RECQL5: variants seen among roughly 807,000 people sequenced by gnomAD.
RECQL5 encodes the protein RecQ like helicase 5.
Under a neutral mutation model 103.4 loss-of-function variants are expected in RECQL5, and 88 were observed. The observed-to-expected ratio is 0.85, with a 90% CI of 0.72 to 1.02. The LOEUF (loss-of-function observed/expected upper bound fraction) is 1.02, where lower values mean the gene tolerates loss of function less well. Among genes scored for constraint, RECQL5 ranks in the 50% least tolerant of loss-of-function variants. RECQL5 has a pLI of 0.00. For synonymous variants in RECQL5, 552 were observed against 507.9 expected, an observed-to-expected ratio of 1.09 and a Z score of -1.17; for missense variants, 1,232 against 1,284.3, an observed-to-expected ratio of 0.96 and a Z score of 0.62.
At chr17:75,643,938 G>A (rs1379912953) in intron 8 of RECQL5, among the ~76,000 whole-genome samples, 1 of 152,188 alleles carries the variant, frequency 6.6e-6, no homozygotes, top group Admixed American at 6.5e-5. Flanking sequence ...GGCTGCTCTC[G>A]GCTCCTCAAA....
In RECQL5 at chr17:75,628,412, G is replaced by A; in HGVS notation, c.2611C>T (p.Pro871Ser). The change falls in exon 18 of 20, where the codon CCA (proline) becomes TCA (serine). Residue 871 changes from proline (P) to serine (S), a missense_variant. By Grantham distance (74) the Pro-to-Ser change is moderately conservative (BLOSUM62 -1). Coordinates refer to ENST00000317905, the MANE Select transcript of RECQL5 (RefSeq NM_004259.7). ...ENPESQPQKRPRPSAKPSVVA... is the reference protein window; with the variant it reads ...ENPESQPQKRSRPSAKPSVVA... ...ACGGAGGGCTTGGCTGAGGGGCGTG[G>A]CCTCTTCTGAGGCTGGCTCTCTGGG... The A allele has an allele frequency of 6.2e-7, 1 of 1,613,780 alleles. No homozygotes were observed. Among genetic ancestry groups the A allele is most frequent in the Non-Finnish European group, 8.5e-7 (1 of 1,180,014 alleles).
chr17:75,640,213 C>G lies in RECQL5; in HGVS notation c.1230-8545G>C, dbSNP rs1029125775. ...GAAGCCAGCGCGGCATGGCTGCCAC[C>G]GACTTCGTGCAGGAGATGCGCGCCG... On this transcript the variant is annotated intron_variant, in intron 8 of 19. Coordinates refer to ENST00000317905, the MANE Select transcript of RECQL5 (RefSeq NM_004259.7). The surrounding 1 kb of genome is among the most constrained non-coding windows in gnomAD (Gnocchi z 4.6). 1 of 1,549,102 alleles carries G rather than the reference C, an allele frequency of 6.5e-7. No homozygotes were observed. Among genetic ancestry groups the G allele is most frequent in the Non-Finnish European group, 8.7e-7 (1 of 1,146,054 alleles).
intron 8 of RECQL5, chr17:75,646,863 T>G (rs958523009): frequency 6.5e-6 from 1 of 153,090 alleles, no homozygotes; most frequent in African/African-American, 2.4e-5. Context: ...GGAGCTCCGC[T>G]TCTAGAGGAC....
chr17:75,650,768 C>A, intron 8 of RECQL5: 2 of 1,586,154 alleles, frequency 1.3e-6, no homozygotes, highest in Non-Finnish European at 1.7e-6. Context: ...CATGACTCCC[C>A]GAGGTAAGTG....
At chr17:75,666,887 C>G (rs1437015331) in intron 1 of RECQL5, 157 bp downstream of exon 1, 2 of 276,014 alleles carry the variant, frequency 7.2e-6, no homozygotes, top group Non-Finnish European at 6.9e-6. Flanking sequence ...AACCGTTTTC[C>G]TAAGATCCAC....
intron 7 of RECQL5, among the ~76,000 whole-genome samples, chr17:75,654,569 G>C (rs1234888410): frequency 6.6e-6 from 1 of 152,134 alleles, no homozygotes; most frequent in African/African-American, 2.4e-5. Context: ...ATCTGAAGAT[G>C]TCTTTTTTTT....
intron 8 of RECQL5, among the ~76,000 whole-genome samples, chr17:75,644,178 G>A (rs1164392965): frequency 2.0e-5 from 3 of 152,112 alleles, no homozygotes; most frequent in Admixed American, 6.5e-5. Flanking sequence ...GGTGGCGCAC[G>A]CCTGTAGTCC....
At chr17:75,627,935 C>T (rs1000127169) in intron 18 of RECQL5, among the ~76,000 whole-genome samples, 14 of 151,552 alleles carry the variant, frequency 9.2e-5, no homozygotes, top group Non-Finnish European at 1.8e-4. Flanking sequence ...AGGAGAATGG[C>T]GTGAACCCGG....
intron 8 of RECQL5, among the ~76,000 whole-genome samples, chr17:75,643,922 A>G (rs1168423242): frequency 6.6e-6 from 1 of 152,216 alleles, no homozygotes; most frequent in Non-Finnish European, 1.5e-5. Context: ...CTTCCGCCAC[A>G]GGGCAGGCTG....
intron 1 of RECQL5, 118 bp from the exon 2 acceptor site, chr17:75,666,689 T>C (rs2059789299): frequency 1.0e-6 from 1 of 967,640 alleles, no homozygotes; most frequent in Admixed American, 2.9e-5. Flanking sequence ...AATAATGTAT[T>C]ATTTTTAAGT....
chr17:75,650,807 A>G (rs1387906313), intron 8 of RECQL5: 2 of 1,542,760 alleles, frequency 1.3e-6, no homozygotes, highest in Non-Finnish European at 1.7e-6. Flanking sequence ...TGGGTCCTGG[A>G]TAAGGGTGAG....
In RECQL5 at chr17:75,651,227, G is replaced by A; in HGVS notation, c.1188C>T (p.Ile396=). Reference sequence around the variant, plus strand: ...AGGTCACCAGGGCATCAAAGGCCATGATAGTGGCTTTATCAGATGCTTTGT... The same window carrying A: ...AGGTCACCAGGGCATCAAAGGCCATAATAGTGGCTTTATCAGATGCTTTGT... ...RGNKASDKAT[I]MAFDALVTFC... is the part of the protein sequence containing the mutation. Residue 396 remains isoleucine, a synonymous_variant, in exon 8 of 20, where the codon ATC becomes ATT. Transcript: ENST00000317905. 2 of 1,614,214 alleles carry A rather than the reference G, an allele frequency of 1.2e-6. No individual in the cohort carries two copies. Among genetic ancestry groups the A allele is most frequent in the Non-Finnish European group, 1.7e-6 (2 of 1,180,040 alleles).
chr17:75,647,788 A>G (rs943269011), intron 8 of RECQL5: 7 of 522,934 alleles, frequency 1.3e-5, no homozygotes, highest in East Asian at 3.3e-5. Context: ...CCTTGACCCT[A>G]TTGTTTTTAG....
intron 6 of RECQL5, among the ~76,000 whole-genome samples, chr17:75,659,568 G>C (rs1270453652): frequency 6.6e-6 from 1 of 152,034 alleles, no homozygotes; most frequent in Non-Finnish European, 1.5e-5. Flanking sequence ...TGCCCAGGCT[G>C]GTCTCGAACT....
chr17:75,627,473 G>A lies in RECQL5; in HGVS notation c.2925C>T (p.Ala975=), dbSNP rs201060054. ...NLIRHFFHGR[A]RCESEADWHG... ...GCCAGTCAGCTTCGCTCTCGCACCG[G>A]GCCCGGCCATGGAAGAAGTGCCTGA... The change falls in exon 20 of 20, where the codon GCC becomes GCT. Residue 975 remains alanine, a synonymous_variant. Transcript: ENST00000317905. The A allele has an allele frequency of 2.9e-5, 46 of 1,613,818 alleles. No individual in the cohort carries two copies. The African/African-American group carries it at 6.0e-4, about 21-fold the overall frequency.
Position 75,630,667 on chromosome 17 carries a change from A to G in RECQL5, c.1670T>C (p.Leu557Pro), listed in dbSNP as rs1357572992. 18 of 1,613,354 alleles carry G rather than the reference A, an allele frequency of 1.1e-5. No homozygotes were observed. The Admixed American group carries it at 3.0e-4, about 27-fold the overall frequency. ...VKAREHCLRL[L>P]EEALSSNRQS... ...GCGGTTGCTGCTCAGCGCCTCCTCC[A>G]GAAGCCGCAGGCAGTGCTCCCGTGC... The change falls in exon 13 of 20, where the codon CTG becomes CCG. Residue 557 changes from leucine (L) to proline (P), a missense_variant. Physicochemically the swap from Leu to Pro is moderately conservative, Grantham distance 98. Coordinates refer to ENST00000317905, the MANE Select transcript of RECQL5 (RefSeq NM_004259.7).
intron 7 of RECQL5, among the ~76,000 whole-genome samples, chr17:75,657,825 G>A (rs1019523024): frequency 6.6e-5 from 10 of 151,452 alleles, no homozygotes; most frequent in South Asian, 4.2e-4. Context: ...CGAGGCAGGC[G>A]GATCACGAGG....
Position 75,662,962 on chromosome 17 carries a change from T to TCGTA in RECQL5, c.284_287dup (p.Val97ThrfsTer20). On this transcript the variant is annotated frameshift_variant, in exon 4 of 20. Coordinates refer to ENST00000317905, the MANE Select transcript of RECQL5 (RefSeq NM_004259.7). LOFTEE classifies it high-confidence loss of function. ...AGAGCTTCGAGTTCAGGGAACTTAC[T>TCGTA]CGTACCTTTAGGGTTAGCAAGTGGT... 1 of 1,612,932 alleles carries TCGTA rather than the reference T, an allele frequency of 6.2e-7. No individual in the cohort carries two copies. The highest frequency in any genetic ancestry group is 8.5e-7 in the Non-Finnish European group (1 of 1,179,468).
At chr17:75,647,613 T>C (rs1484110980) in intron 8 of RECQL5, 3 of 1,532,478 alleles carry the variant, frequency 2.0e-6, no homozygotes, top group Non-Finnish European at 8.8e-7. Context: ...CGAGCTGACC[T>C]GCCCCCATTC....
Sources: gnomAD v4.1 joint callset for allele counts (sites outside exome capture counted in the v4.1 genomes callset) on GRCh38, gnomAD v4.1.1 for gene constraint, Gnocchi (gnomAD v3.1) non-coding constraint, MANE v1.5 for transcripts, NCBI Gene and HGNC (gene_info 2026-07-23, HGNC 2026-07-21) for gene names.